Variants in CMSS1 observed in about 807,000 individuals in gnomAD.
CMSS1 encodes the protein protein CMSS1.
In CMSS1, 33 loss-of-function variants were observed where a neutral mutation model predicts 43.5. That is an observed-to-expected ratio of 0.76 (90% CI 0.57 to 1.01). The LOEUF (loss-of-function observed/expected upper bound fraction) is 1.01, where lower values mean the gene tolerates loss of function less well. CMSS1 is among the 50% of genes least tolerant of loss of function. The probability of loss-of-function intolerance (pLI) is 0.00; values close to 1 mark genes in which losing one functional copy is unlikely to be tolerated. For synonymous variants in CMSS1, 115 were observed against 117.2 expected (o/e 0.98, Z 0.12); for missense variants, 313 against 326.4 (o/e 0.96, Z 0.32).
In CMSS1 at chr3:100,039,057, GA is replaced by G. The variant is rs200686065; in HGVS notation, c.65-107911del. Among the ~76,000 whole-genome samples the G allele has an allele frequency of 4.6e-3, 703 of 152,242 alleles. 5 individuals carry two copies. The highest frequency in any genetic ancestry group is 0.016 in the African/African-American group (670 of 41,538). On this transcript the variant is annotated intron_variant, in intron 1 of 9. Coordinates refer to ENST00000421999, the MANE Select transcript of CMSS1 (RefSeq NM_032359.4). ...ATTAATTCAGCAATAACAGATGTTG[GA>G]AAAACTCCTAAATTTAATGCTTATA... is the stretch of plus-strand genomic sequence containing the variant.
intron 1 of CMSS1, among the ~76,000 whole-genome samples, chr3:100,062,755 T>G (rs144163717): frequency 1.3e-5 from 2 of 152,356 alleles, no homozygotes; most frequent in African/African-American, 4.8e-5. Context: ...GATGTCGTTG[T>G]GAAAAAGCTT....
At chr3:100,073,725 A>C (rs958792181) in intron 1 of CMSS1, among the ~76,000 whole-genome samples, 1 of 152,072 alleles carries the variant, frequency 6.6e-6, no homozygotes, top group South Asian at 2.1e-4. Flanking sequence ...GCCGGTGTTC[A>C]CTCTACATTC....
At chr3:99,893,597 T>G (rs568392184) in intron 1 of CMSS1, among the ~76,000 whole-genome samples, 2 of 152,358 alleles carry the variant, frequency 1.3e-5, no homozygotes, top group South Asian at 4.1e-4. Flanking sequence ...TGGATCTTTT[T>G]ACTATCATGT....
chr3:99,999,037 C>T (rs1333602105), intron 1 of CMSS1, among the ~76,000 whole-genome samples: 1 of 152,216 alleles, frequency 6.6e-6, no homozygotes. Context: ...GTGAAGCCTT[C>T]CGTGCCTCCC....
chr3:99,947,714 G>T (rs1708051953), intron 1 of CMSS1, among the ~76,000 whole-genome samples: 1 of 152,100 alleles, frequency 6.6e-6, no homozygotes, highest in Non-Finnish European at 1.5e-5. Context: ...ATATAAAATT[G>T]TTTTGAATAC....
chr3:100,139,545 G>A (rs1271647742), intron 1 of CMSS1, among the ~76,000 whole-genome samples: 5 of 148,234 alleles, frequency 3.4e-5, no homozygotes, highest in Non-Finnish European at 5.9e-5. Context: ...GTGTGTGTGT[G>A]TGTGTGTGTG....
chr3:99,895,516 G>A (rs1706223003), intron 1 of CMSS1, among the ~76,000 whole-genome samples: 2 of 152,040 alleles, frequency 1.3e-5, no homozygotes, highest in African/African-American at 4.8e-5. Flanking sequence ...AAGAGGCCAA[G>A]TTCCTGGTGG....
At chr3:100,049,407 C>T (rs939118883) in intron 1 of CMSS1, among the ~76,000 whole-genome samples, 1 of 152,146 alleles carries the variant, frequency 6.6e-6, no homozygotes, top group African/African-American at 2.4e-5. Context: ...AAAAATCACT[C>T]AGCATTATAA....
intron 1 of CMSS1, among the ~76,000 whole-genome samples, chr3:99,914,695 C>T (rs1706897562): frequency 6.6e-6 from 1 of 152,114 alleles, no homozygotes; most frequent in Non-Finnish European, 1.5e-5. Flanking sequence ...TAACTTTTGA[C>T]TTAGCAATTT....
intron 1 of CMSS1, among the ~76,000 whole-genome samples, chr3:99,984,060 T>TGTGTGTGTGTGTGTTTG (rs1559714079): frequency 4.0e-5 from 1 of 24,978 alleles, no homozygotes; most frequent in African/African-American, 1.5e-4. Context: ...GTATGTGTGT[T>TGTGTGTGTGTGTGTTTG]TGTGTGTGTG....
chr3:99,848,836 G>A lies in CMSS1; in HGVS notation c.64+30793G>A, dbSNP rs369863451. On this transcript the variant is annotated intron_variant, in intron 1 of 9. Coordinates refer to ENST00000421999, the MANE Select transcript of CMSS1 (RefSeq NM_032359.4). ...TGTTATGGAGGCGTTTTGGAGGATGGTTATCCTTTGCTTTGGCGTGCCACA... is the reference window on the plus strand; with the variant it reads ...TGTTATGGAGGCGTTTTGGAGGATGATTATCCTTTGCTTTGGCGTGCCACA... 1.9e-6 allele frequency: 3 copies of A among 1,613,980 alleles called. No homozygotes were observed. The African/African-American group carries it at 4.0e-5, about 22-fold the overall frequency.
intron 1 of CMSS1, among the ~76,000 whole-genome samples, chr3:99,992,030 GTA>G (rs139864021): frequency 2.7e-4 from 40 of 149,172 alleles, no homozygotes; most frequent in Admixed American, 2.4e-3. Context: ...ATATATACGT[GTA>G]TATATATATA....
At chr3:99,859,181 G>C (rs975325683) in intron 1 of CMSS1, among the ~76,000 whole-genome samples, 2 of 152,254 alleles carry the variant, frequency 1.3e-5, no homozygotes, top group Non-Finnish European at 2.9e-5. Flanking sequence ...GTGCTATGCA[G>C]TTCAGCTGAC....
At chr3:99,988,592 T>C (rs747591288) in intron 1 of CMSS1, among the ~76,000 whole-genome samples, 30 of 151,944 alleles carry the variant, frequency 2.0e-4, no homozygotes, top group Admixed American at 7.9e-4. Context: ...GTTTCTCTTA[T>C]AAGAAAAACT....
chr3:100,117,852 TACATATATATATATATATATATATATAC>T (rs2066587199), intron 1 of CMSS1, among the ~76,000 whole-genome samples: 1 of 90,516 alleles, frequency 1.1e-5, no homozygotes, highest in South Asian at 3.5e-4. Context: ...TATATATATA[TACATATATATATATATATATATATATAC>T]ACATACAATG....
chr3:99,943,744 G>T (rs1707922202), intron 1 of CMSS1, among the ~76,000 whole-genome samples: 2 of 152,126 alleles, frequency 1.3e-5, no homozygotes, highest in South Asian at 4.1e-4. Context: ...TGGAGCTTCA[G>T]TCTATTTTCT....
intron 1 of CMSS1, among the ~76,000 whole-genome samples, chr3:99,876,848 A>C (rs1705550966): frequency 6.6e-6 from 1 of 152,222 alleles, no homozygotes; most frequent in Admixed American, 6.5e-5. Flanking sequence ...AGCAGTTAAA[A>C]CTATCATTTT....
At chr3:99,958,967 T>C (rs1708417667) in intron 1 of CMSS1, among the ~76,000 whole-genome samples, 1 of 152,200 alleles carries the variant, frequency 6.6e-6, no homozygotes, top group African/African-American at 2.4e-5. Context: ...TGGATTCTTG[T>C]GTGTAAAAAC....
intron 1 of CMSS1, among the ~76,000 whole-genome samples, chr3:99,954,299 TG>T (rs1708258089): frequency 6.6e-6 from 1 of 152,232 alleles, no homozygotes; most frequent in Non-Finnish European, 1.5e-5. Flanking sequence ...TACCCCATCC[TG>T]CTGCCAAGAG....
Sources: allele counts gnomAD v4.1 joint callset (sites outside exome capture counted in the v4.1 genomes callset), GRCh38; gene constraint gnomAD v4.1.1; transcripts MANE v1.5; gene names NCBI Gene and HGNC (gene_info 2026-07-23, HGNC 2026-07-21).